Variants in SLC5A7 observed in about 807,000 individuals in gnomAD.
The protein encoded by SLC5A7 is high affinity choline transporter 1.
SLC5A7 carries 19 observed loss-of-function variants against 55.4 expected under a neutral mutation model. That is an observed-to-expected ratio of 0.34 (90% CI 0.24 to 0.50). The LOEUF (loss-of-function observed/expected upper bound fraction) is 0.50, where lower values mean the gene tolerates loss of function less well. Among genes scored for constraint, SLC5A7 ranks in the 20% least tolerant of loss-of-function variants. The probability of loss-of-function intolerance (pLI) is 0.98; values close to 1 mark genes in which losing one functional copy is unlikely to be tolerated. For missense variants in SLC5A7, 506 were observed against 705.3 expected (o/e 0.72, Z 3.20); for synonymous variants, 265 against 263.7 (o/e 1.00, Z -0.05).
At chr2:108,009,652 T>C (rs1319541985) in intron 8 of SLC5A7, among the ~76,000 whole-genome samples, 3 of 152,226 alleles carry the variant, frequency 2.0e-5, no homozygotes, top group Non-Finnish European at 4.4e-5. Context: ...TATTCCTTTT[T>C]ATGGCCACAT....
chr2:108,006,324 T>G, intron 7 of SLC5A7, 122 bp downstream of exon 7: 3 of 1,104,356 alleles, frequency 2.7e-6, no homozygotes, highest in Non-Finnish European at 3.9e-6. Context: ...CATTCATATC[T>G]ATAGATTTGT....
chr2:107,993,792 G>A (rs1485185903), intron 4 of SLC5A7, among the ~76,000 whole-genome samples: 2 of 152,164 alleles, frequency 1.3e-5, no homozygotes. Flanking sequence ...AGTTCCAGCA[G>A]TAAATAACAT....
chr2:107,987,979 G>A, intron 1 of SLC5A7, 126 bp from the exon 2 acceptor site: 1 of 477,998 alleles, frequency 2.1e-6, no homozygotes, highest in South Asian at 5.5e-5. Flanking sequence ...TTTCACGTGT[G>A]GTTTCAGGGT....
Position 108,006,121 on chromosome 2 carries a change from G to C in SLC5A7, c.814G>C (p.Val272Leu). 2 of 1,614,090 alleles carry C rather than the reference G, an allele frequency of 1.2e-6. No individual in the cohort carries two copies. Among genetic ancestry groups the C allele is most frequent in the Non-Finnish European group, 1.7e-6 (2 of 1,180,018 alleles). Residue 272 changes from valine (V) to leucine (L), a missense_variant, in exon 7 of 9, where the codon GTG becomes CTG. Val to Leu is a conservative substitution (Grantham distance 32). Coordinates refer to ENST00000264047, the MANE Select transcript of SLC5A7 (RefSeq NM_021815.5). ...LSSSSATYAQVLSFLAAFGCL... is the reference protein window; with the variant it reads ...LSSSSATYAQLLSFLAAFGCL... Reference sequence around the variant, plus strand: ...TTCTTCCTCAGCCACCTATGCTCAAGTGCTGTCCTTCCTGGCAGCTTTCGG... The same window carrying C: ...TTCTTCCTCAGCCACCTATGCTCAACTGCTGTCCTTCCTGGCAGCTTTCGG...
chr2:107,993,918 A>G (rs1347898327), intron 4 of SLC5A7, among the ~76,000 whole-genome samples: 1 of 152,250 alleles, frequency 6.6e-6, no homozygotes, highest in African/African-American at 2.4e-5. Context: ...ATAAAGTTCA[A>G]TGTTACGGTT....
At chr2:108,004,008 G>A (rs1404974753) in intron 6 of SLC5A7, among the ~76,000 whole-genome samples, 1 of 151,996 alleles carries the variant, frequency 6.6e-6, no homozygotes, top group Non-Finnish European at 1.5e-5. Context: ...TTCTTAAAAG[G>A]GCCCTAATCC....
At chr2:107,989,246 A>T (rs1342043333) in intron 2 of SLC5A7, among the ~76,000 whole-genome samples, 1 of 152,242 alleles carries the variant, frequency 6.6e-6, no homozygotes, top group Non-Finnish European at 1.5e-5. Context: ...ACATAGCAAG[A>T]ACTGTGAGCG....
rs1259060031 is a variant in SLC5A7 at position 108,010,759 on chromosome 2, A to T, written c.1641A>T (p.Pro547=). The T allele has an allele frequency of 3.7e-6, 6 of 1,613,760 alleles. No individual in the cohort carries two copies. The South Asian group carries it at 6.6e-5, about 18-fold the overall frequency. The stretch of plus-strand genomic sequence containing the variant: ...TAGATGAACTTGCACTTGTGAAGCC[A>T]CGACAGAGCATGACCCTCAGCTCAA... ...IKLDELALVK[P]RQSMTLSSTF... Residue 547 remains proline (P), a synonymous_variant, in exon 9 of 9, where the codon CCA becomes CCT. Coordinates refer to ENST00000264047, the MANE Select transcript of SLC5A7 (RefSeq NM_021815.5).
intron 6 of SLC5A7, among the ~76,000 whole-genome samples, chr2:108,002,403 T>C (rs993666468): frequency 1.3e-5 from 2 of 152,154 alleles, no homozygotes; most frequent in African/African-American, 4.8e-5. Flanking sequence ...ACCCAACTTA[T>C]GAAATAAGTC....
At chr2:107,996,571 A>G (rs956561188) in intron 4 of SLC5A7, among the ~76,000 whole-genome samples, 1 of 152,204 alleles carries the variant, frequency 6.6e-6, no homozygotes, top group Non-Finnish European at 1.5e-5. Flanking sequence ...TCACAGATCC[A>G]TTACATGTAT....
rs758706307 is a variant in SLC5A7, at chr2:108,010,884, T to G, written c.*23T>G. ...TGACCCCATCTAAATAAAATACTGC[T>G]TTTGCAAACAGAACACTGTAATAGG... On this transcript the variant is annotated 3_prime_UTR_variant, in exon 9 of 9. Coordinates refer to ENST00000264047, the MANE Select transcript of SLC5A7 (RefSeq NM_021815.5). 1 of 1,537,042 alleles carries G rather than the reference T, an allele frequency of 6.5e-7. No individual in the cohort carries two copies. Among genetic ancestry groups the G allele is most frequent in the South Asian group, 1.3e-5 (1 of 78,396 alleles).
chr2:107,996,900 AAAG>A (rs780782647), intron 4 of SLC5A7, among the ~76,000 whole-genome samples: 6 of 152,222 alleles, frequency 3.9e-5, no homozygotes, highest in African/African-American at 9.7e-5. Flanking sequence ...CAATTAAATA[AAAG>A]AAGAGTGATC....
At chr2:107,993,971 T>G (rs958393141) in intron 4 of SLC5A7, among the ~76,000 whole-genome samples, 5 of 152,146 alleles carry the variant, frequency 3.3e-5, no homozygotes, top group African/African-American at 1.2e-4. Flanking sequence ...TAACAAGAAT[T>G]TCCCCTTCAG....
At chr2:107,991,068 G>A (rs904796089) in intron 2 of SLC5A7, among the ~76,000 whole-genome samples, 1 of 152,124 alleles carries the variant, frequency 6.6e-6, no homozygotes, top group Non-Finnish European at 1.5e-5. Flanking sequence ...TTCAACATTA[G>A]TTTTTCAGCA....
intron 8 of SLC5A7, among the ~76,000 whole-genome samples, 191 bp from the exon 9 acceptor site, chr2:108,010,041 G>A (rs1269178781): frequency 2.0e-5 from 3 of 152,158 alleles, no homozygotes; most frequent in Admixed American, 2.0e-4. Flanking sequence ...CCCTCCCAAA[G>A]GTCCACCCAG....
Position 108,008,325 on chromosome 2 carries a change from C to A in SLC5A7, c.896-140C>A. On this transcript the variant is annotated intron_variant, in intron 7 of 8. Transcript: ENST00000264047. ...GAGATATAAGACATTTCCACTTGAC[C>A]AGCACATGGACTTCACACCAGACTA... is the stretch of plus-strand genomic sequence containing the variant. 7.9e-6 allele frequency: 5 copies of A among 629,478 alleles called. No homozygotes were observed. In the South Asian group the frequency reaches 1.0e-4, roughly 13 times the overall value. 39.0% of individuals were successfully genotyped at this position (629,478 alleles called of 1,614,324 possible). A position where few individuals can be genotyped will look rare whatever the true frequency, so the allele number is the denominator to read the frequency against.
At chr2:107,993,983 T>G (rs918906407) in intron 4 of SLC5A7, among the ~76,000 whole-genome samples, 3 of 152,186 alleles carry the variant, frequency 2.0e-5, no homozygotes, top group Non-Finnish European at 4.4e-5. Context: ...CCCCTTCAGT[T>G]TAAATGTCTT....
intron 6 of SLC5A7, among the ~76,000 whole-genome samples, chr2:108,003,986 G>T (rs755035676): frequency 1.3e-5 from 2 of 152,068 alleles, no homozygotes; most frequent in Non-Finnish European, 2.9e-5. Flanking sequence ...GGTGAGAGAG[G>T]TCTCTGACCT....
At position 107,992,124 on chromosome 2, in the gene SLC5A7, G is replaced by C; in HGVS notation, c.197G>C (p.Gly66Ala). The change falls in exon 3 of 9, where the codon GGG becomes GCG. Residue 66 changes from glycine to alanine, a missense_variant. By Grantham distance (60) the Gly-to-Ala change is moderately conservative. Coordinates refer to ENST00000264047, the MANE Select transcript of SLC5A7 (RefSeq NM_021815.5). The stretch of plus-strand genomic sequence containing the variant: ...GTTTCAGCTACCTGGGTCGGAGGAG[G>C]GTATATCAATGGCACAGCTGAAGCA... ...FTMTATWVGG[G>A]YINGTAEAVY... 2 of 1,613,284 alleles carry C rather than the reference G, an allele frequency of 1.2e-6. No homozygotes were observed. Among genetic ancestry groups the C allele is most frequent in the Non-Finnish European group, 1.7e-6 (2 of 1,179,366 alleles).
Sources: allele counts gnomAD v4.1 joint callset (sites outside exome capture counted in the v4.1 genomes callset), GRCh38; gene constraint gnomAD v4.1.1; transcripts MANE v1.5; gene names NCBI Gene and HGNC (gene_info 2026-07-23, HGNC 2026-07-21).